B3GLCT: variants seen among roughly 807,000 people sequenced by gnomAD.
The protein encoded by B3GLCT is beta 3-glucosyltransferase.
B3GLCT carries 65 observed loss-of-function variants against 63.4 expected under a neutral mutation model. That is an observed-to-expected ratio of 1.03 (90% confidence interval 0.84 to 1.26). The LOEUF is 1.26. B3GLCT is among the 50% of genes most tolerant of loss of function. The probability of loss-of-function intolerance (pLI) is 0.00; values close to 1 mark genes in which losing one functional copy is unlikely to be tolerated. For synonymous variants in B3GLCT, 233 were observed against 219.2 expected, an observed-to-expected ratio of 1.06 and a Z score of -0.55; for missense variants, 577 against 604.8, an observed-to-expected ratio of 0.95 and a Z score of 0.48.
At chr13:31,288,200 A>G (rs952618003) in intron 12 of B3GLCT, among the ~76,000 whole-genome samples, 1 of 152,194 alleles carries the variant, frequency 6.6e-6, no homozygotes, top group African/African-American at 2.4e-5. Context: ...ATGGACACTT[A>G]GGACAGTACC....
intron 4 of B3GLCT, among the ~76,000 whole-genome samples, chr13:31,233,659 C>A (rs9315118): frequency 9.2e-5 from 14 of 151,980 alleles, no homozygotes; most frequent in Admixed American, 8.5e-4. Context: ...CTTTATGTAC[C>A]TATGTCCAGG....
At chr13:31,221,465 CT>C (rs1869809736) in intron 2 of B3GLCT, among the ~76,000 whole-genome samples, 1 of 152,166 alleles carries the variant, frequency 6.6e-6, no homozygotes, top group African/African-American at 2.4e-5. Flanking sequence ...ACTTTCCAGT[CT>C]TTTTTAGTAA....
intron 11 of B3GLCT, 73 bp from the exon 12 acceptor site, chr13:31,286,647 A>G (rs956591499): frequency 2.3e-5 from 26 of 1,118,746 alleles, no homozygotes; most frequent in Non-Finnish European, 3.1e-5. Flanking sequence ...CTTCAAAACT[A>G]AAAAGAAATG....
chr13:31,310,133 C>T (rs952007778), intron 12 of B3GLCT, among the ~76,000 whole-genome samples: 4 of 152,108 alleles, frequency 2.6e-5, no homozygotes, highest in Admixed American at 2.0e-4. Flanking sequence ...TCAAATGGTG[C>T]TTTTCCCAAG....
At chr13:31,268,310 T>C (rs899443421) in intron 7 of B3GLCT, among the ~76,000 whole-genome samples, 7 of 152,196 alleles carry the variant, frequency 4.6e-5, no homozygotes, top group African/African-American at 1.2e-4. Context: ...TCAAATAATA[T>C]GTTGTCTAAT....
At position 31,326,502 on chromosome 13, in the gene B3GLCT, C is replaced by T. The variant is rs530312985; in HGVS notation, c.1329+2607C>T. ...TTTCATGTGTTAGCCAGGGTGGTCT[C>T]GATCTCCTGACCTTGTGATCCACCT... is the stretch of plus-strand genomic sequence containing the variant. On this transcript the variant is annotated intron_variant, in intron 14 of 14. Coordinates refer to ENST00000343307, the MANE Select transcript of B3GLCT (RefSeq NM_194318.4). Among the ~76,000 whole-genome samples, 37 of 151,970 alleles carry T rather than the reference C, an allele frequency of 2.4e-4. 1 individual carries two copies. The South Asian group carries it at 7.3e-3, about 30-fold the overall frequency.
intron 12 of B3GLCT, among the ~76,000 whole-genome samples, chr13:31,293,894 C>T: frequency 6.6e-6 from 1 of 152,186 alleles, no homozygotes; most frequent in East Asian, 1.9e-4. Flanking sequence ...GCAGTTTCTT[C>T]ATAGTGTCGA....
intron 1 of B3GLCT, among the ~76,000 whole-genome samples, chr13:31,213,624 C>CCCCCCCCCCCCA (rs1555244560): frequency 2.3e-4 from 17 of 73,094 alleles, no homozygotes; most frequent in Non-Finnish European, 4.0e-4. Flanking sequence ...CCACCCCACC[C>CCCCCCCCCCCCA]CCCCCCCCCG....
intron 13 of B3GLCT, 134 bp from the exon 14 acceptor site, chr13:31,323,617 A>C: frequency 1.0e-6 from 1 of 988,934 alleles, no homozygotes; most frequent in Non-Finnish European, 1.6e-6. Flanking sequence ...TTTTACCTAG[A>C]GCTCAGTAAC....
intron 6 of B3GLCT, among the ~76,000 whole-genome samples, chr13:31,252,076 GA>G (rs1409653971): frequency 6.6e-6 from 1 of 152,174 alleles, no homozygotes; most frequent in Non-Finnish European, 1.5e-5. Flanking sequence ...CATTCTTAAA[GA>G]AAGGAATTTT....
At position 31,273,176 on chromosome 13, in the gene B3GLCT, C is replaced by T. The variant is rs187058148; in HGVS notation, c.661-1333C>T. Among the ~76,000 whole-genome samples the T allele has an allele frequency of 1.0e-3, 159 of 152,282 alleles. 2 individuals are homozygous for T. The East Asian group carries it at 0.011, about 10-fold the overall frequency. On this transcript the variant is annotated intron_variant, in intron 8 of 14. Transcript: ENST00000343307. ...GTGGCATGATCTTGGCTCACTGCAA[C>T]CTCCATCTCCCGGGTTCAAGCAATT... is the stretch of plus-strand genomic sequence containing the variant.
chr13:31,216,356 AT>A (rs1211023310), intron 2 of B3GLCT, among the ~76,000 whole-genome samples: 1 of 152,214 alleles, frequency 6.6e-6, no homozygotes, highest in Non-Finnish European at 1.5e-5. Context: ...CAGGGAAGTT[AT>A]GTGATTTGAC....
chr13:31,228,923 G>A (rs867037524), intron 3 of B3GLCT, among the ~76,000 whole-genome samples: 1 of 152,156 alleles, frequency 6.6e-6, no homozygotes, highest in Non-Finnish European at 1.5e-5. Context: ...TGACATATGC[G>A]GGAGCACATT....
intron 10 of B3GLCT, among the ~76,000 whole-genome samples, chr13:31,281,696 A>G (rs1873078110): frequency 6.6e-6 from 1 of 152,250 alleles, no homozygotes; most frequent in Non-Finnish European, 1.5e-5. Context: ...TCCTGAGAAG[A>G]GAAGTGCAAT....
chr13:31,326,352 C>T (rs1360779291), intron 14 of B3GLCT, among the ~76,000 whole-genome samples: 2 of 125,598 alleles, frequency 1.6e-5, no homozygotes, highest in Non-Finnish European at 3.1e-5. Flanking sequence ...GGCATGATCT[C>T]GGCTCACTGC....
At chr13:31,266,591 G>A (rs1169503004) in intron 7 of B3GLCT, among the ~76,000 whole-genome samples, 1 of 152,118 alleles carries the variant, frequency 6.6e-6, no homozygotes, top group Non-Finnish European at 1.5e-5. Flanking sequence ...GAACTTGTTT[G>A]CAAGGTGACT....
chr13:31,276,790 A>T lies in B3GLCT; in HGVS notation c.850+19A>T. ...GACAGAAGTATGTTTTGGGTTATTC[A>T]TTTTATTGAACGCTAAAATCCAGAC... is the stretch of plus-strand genomic sequence containing the variant. On this transcript the variant is annotated intron_variant, in intron 10 of 14. Transcript: ENST00000343307. 2 of 1,575,670 alleles carry T rather than the reference A, an allele frequency of 1.3e-6. No individual in the cohort carries two copies. The highest frequency in any genetic ancestry group is 2.2e-5 in the South Asian group (2 of 90,294).
intron 2 of B3GLCT, among the ~76,000 whole-genome samples, chr13:31,216,941 A>G (rs1434780089): frequency 6.6e-6 from 1 of 152,222 alleles, no homozygotes. Context: ...TGGCAGAACA[A>G]TTTATATTCC....
chr13:31,285,630 A>G (rs1172840951), intron 11 of B3GLCT, among the ~76,000 whole-genome samples: 6 of 130,050 alleles, frequency 4.6e-5, no homozygotes, highest in Non-Finnish European at 1.0e-4. Flanking sequence ...AAAAAAAAAA[A>G]GTAGCAAACT....
Sources: allele counts gnomAD v4.1 joint callset (sites outside exome capture counted in the v4.1 genomes callset), GRCh38; gene constraint gnomAD v4.1.1; transcripts MANE v1.5; gene names NCBI Gene and HGNC (gene_info 2026-07-23, HGNC 2026-07-21).